The following MROH2A variants were observed in gnomAD, a reference collection of about 807,000 sequenced individuals.
The protein encoded by MROH2A is maestro heat like repeat family member 2A.
A neutral mutation model predicts 200.4 loss-of-function variants in MROH2A; 174 were observed. The observed-to-expected ratio is 0.87, with a 90% CI of 0.77 to 0.98. MROH2A has a LOEUF of 0.98. Ranked by LOEUF, MROH2A falls within the 50% of genes least tolerant of loss-of-function variation. The pLI, the probability that MROH2A is intolerant of heterozygous loss-of-function variation, is 0.00. For synonymous variants in MROH2A, 829 were observed against 840.4 expected (o/e 0.99, Z 0.23); for missense variants, 2,045 against 2,139.6 (o/e 0.96, Z 0.87).
intron 27 of MROH2A, 149 bp from the exon 28 acceptor site, chr2:233,817,852 AG>A (rs1192496079): frequency 2.2e-6 from 2 of 906,974 alleles, no homozygotes; most frequent in African/African-American, 1.7e-5. Flanking sequence ...ATGCTTGGAC[AG>A]GGGACAGACA....
chr2:233,827,607 G>C (rs1704403501), intron 35 of MROH2A, among the ~76,000 whole-genome samples: 1 of 152,144 alleles, frequency 6.6e-6, no homozygotes, highest in Non-Finnish European at 1.5e-5. Context: ...AGGAAAAACA[G>C]CTAATGCATG....
At position 233,796,271 on chromosome 2, in the gene MROH2A, G is replaced by A. The variant is rs908456415; in HGVS notation, c.1210G>A (p.Val404Met). The change falls in exon 11 of 42, where the codon GTG becomes ATG. Residue 404 changes from valine to methionine, a missense_variant. Physicochemically the swap from Val to Met is conservative, Grantham distance 21. Around this residue, in one of 3 missense-constraint regions of MROH2A, gnomAD observed 831 missense variants for 800.0 expected, o/e 1.04. Coordinates refer to ENST00000389758, the MANE Select transcript of MROH2A (RefSeq NM_001394639.1). ...QMETNKEAVR[V>M]GTLNLIRAIV... ...GGAGACAAACAAGGAGGCCGTCCGC[G>A]TGGGGACTCTGAATCTGATTAGGGC... is the stretch of plus-strand genomic sequence containing the variant. 1.6e-5 allele frequency: 23 copies of A among 1,431,320 alleles called. No individual in the cohort carries two copies. The highest frequency in any genetic ancestry group is 1.0e-4 in the African/African-American group (7 of 68,280). The allele number at this position is 1,431,320 out of a possible 1,614,324, so 88.7% of individuals were successfully genotyped here. A position where few individuals can be genotyped will look rare whatever the true frequency, so the allele number is the denominator to read the frequency against.
chr2:233,822,775 G>A, intron 33 of MROH2A, 106 bp from the exon 34 acceptor site: 1 of 1,403,678 alleles, frequency 7.1e-7, no homozygotes, highest in Non-Finnish European at 9.7e-7. Flanking sequence ...AGTCCCTTGG[G>A]CTGGGCCCGG....
intron 34 of MROH2A, among the ~76,000 whole-genome samples, 184 bp downstream of exon 34, chr2:233,823,202 G>T (rs904010406): frequency 6.6e-6 from 1 of 152,204 alleles, no homozygotes; most frequent in Non-Finnish European, 1.5e-5. Flanking sequence ...CCTTTTATTC[G>T]AACCCTTCCT....
In MROH2A at chr2:233,822,720, G is replaced by T. The variant is rs954339037; in HGVS notation, c.3867-161G>T. The T allele has an allele frequency of 4.3e-6, 5 of 1,158,614 alleles. No individual in the cohort carries two copies. The South Asian group carries it at 7.6e-5, about 18-fold the overall frequency. The allele number at this position is 1,158,614 out of a possible 1,614,324, so 71.8% of individuals were successfully genotyped here. On this transcript the variant is annotated intron_variant, in intron 33 of 41. Transcript: ENST00000389758. Reference sequence around the variant, plus strand: ...TCTCATGTGTGTCAAGCACGGTGTGGTTTTCAGAGCTTGCAGATCCACTCC... The same window carrying T: ...TCTCATGTGTGTCAAGCACGGTGTGTTTTTCAGAGCTTGCAGATCCACTCC...
chr2:233,832,297 T>G lies in MROH2A; in HGVS notation c.4837+18T>G, dbSNP rs1436433144. The G allele has an allele frequency of 6.5e-7, 1 of 1,546,892 alleles. No individual in the cohort carries two copies. The highest frequency in any genetic ancestry group is 1.2e-5 in the South Asian group (1 of 84,002). On this transcript the variant is annotated intron_variant, in intron 40 of 41. Coordinates refer to ENST00000389758, the MANE Select transcript of MROH2A (RefSeq NM_001394639.1). Reference sequence around the variant, plus strand: ...CTTGGCAGGTGAGCAGAGAGACGTCTCCTGACTCAAGATAGACTTTGAAGG... The same window carrying G: ...CTTGGCAGGTGAGCAGAGAGACGTCGCCTGACTCAAGATAGACTTTGAAGG...
At chr2:233,794,604 G>C (rs17864712) in intron 8 of MROH2A, 98 bp downstream of exon 8, 1 of 673,444 alleles carries the variant, frequency 1.5e-6, no homozygotes, top group Non-Finnish European at 2.6e-6. Context: ...GGGGATGTCA[G>C]ATATTTTGAC....
chr2:233,823,826 C>A, intron 35 of MROH2A, 162 bp downstream of exon 35: 3 of 920,452 alleles, frequency 3.3e-6, no homozygotes, highest in Non-Finnish European at 4.8e-6. Flanking sequence ...ATTCATTCAT[C>A]ACATGAGTAG....
chr2:233,807,034 C>T lies in MROH2A; in HGVS notation c.2053-389C>T, dbSNP rs916815965. Among the ~76,000 whole-genome samples, 5 of 152,086 alleles carry T rather than the reference C, an allele frequency of 3.3e-5. No homozygotes were observed. Among genetic ancestry groups the T allele is most frequent in the African/African-American group, 7.2e-5 (3 of 41,410 alleles). ...CTTAGCTCCCACTTATGAGTGAGAA[C>T]ATACGACGTTTGGTTTTCCATTCCT... On this transcript the variant is annotated intron_variant, in intron 19 of 41. Transcript: ENST00000389758. This position sits in a 1 kb window ranked among gnomAD's most constrained non-coding sequence, Gnocchi z 4.3.
intron 31 of MROH2A, among the ~76,000 whole-genome samples, chr2:233,821,374 A>G (rs539445853): frequency 2.3e-5 from 3 of 130,000 alleles, no homozygotes; most frequent in Admixed American, 7.6e-5. Context: ...CTCTCCATTT[A>G]CTCCTGCCCC....
chr2:233,796,262 G>T lies in MROH2A; in HGVS notation c.1201G>T (p.Ala401Ser). Residue 401 changes from alanine (A) to serine (S), a missense_variant, in exon 11 of 42, where the codon GCC becomes TCC. By Grantham distance (99) the Ala-to-Ser change is moderately conservative (BLOSUM62 1). This residue lies in a region of MROH2A where 831 missense variants were observed against 800.0 expected (regional missense o/e 1.04). Transcript: ENST00000389758. ...FFSQMETNKE[A>S]VRVGTLNLIR... The stretch of plus-strand genomic sequence containing the variant: ...CAGCCAGATGGAGACAAACAAGGAG[G>T]CCGTCCGCGTGGGGACTCTGAATCT... 1 of 1,548,344 alleles carries T rather than the reference G, an allele frequency of 6.5e-7. No homozygotes were observed. The highest frequency in any genetic ancestry group is 8.7e-7 in the Non-Finnish European group (1 of 1,146,514).
chr2:233,782,733 A>G (rs1160793760), intron 3 of MROH2A, among the ~76,000 whole-genome samples: 1 of 152,186 alleles, frequency 6.6e-6, no homozygotes, highest in Non-Finnish European at 1.5e-5. Flanking sequence ...TGCTCTGGCC[A>G]GGACTTCCAG....
chr2:233,783,304 T>C (rs1701034143), intron 3 of MROH2A, among the ~76,000 whole-genome samples: 1 of 152,174 alleles, frequency 6.6e-6, no homozygotes, highest in Non-Finnish European at 1.5e-5. Context: ...GGTATTTGCT[T>C]TTATTTAATG....
intron 12 of MROH2A, 91 bp downstream of exon 12, chr2:233,798,941 T>A: frequency 9.4e-7 from 1 of 1,065,128 alleles, no homozygotes; most frequent in Non-Finnish European, 1.4e-6. Context: ...GCAGAGGCTT[T>A]TGATGGAAAA....
At position 233,784,944 on chromosome 2, in the gene MROH2A, G is replaced by A. The variant is rs372409158; in HGVS notation, c.277-4553G>A. 2.0e-5 allele frequency among the ~76,000 whole-genome samples: 3 copies of A among 152,058 alleles called. 1 individual carries two copies. In the East Asian group the frequency reaches 5.8e-4, roughly 29 times the overall value. On this transcript the variant is annotated intron_variant, in intron 3 of 41. Transcript: ENST00000389758. Reference sequence around the variant, plus strand: ...GGGCGGATCACGAGGTCAGGAGTTCGAGAGCAGCCTGACCAATGTGGTAAA... The same window carrying A: ...GGGCGGATCACGAGGTCAGGAGTTCAAGAGCAGCCTGACCAATGTGGTAAA...
In MROH2A at chr2:233,787,127, T is replaced by C. The variant is rs188540216; in HGVS notation, c.277-2370T>C. Among the ~76,000 whole-genome samples, 31 of 152,296 alleles carry C rather than the reference T, an allele frequency of 2.0e-4. 2 individuals carry two copies. The highest frequency in any genetic ancestry group is 1.8e-3 in the Admixed American group (27 of 15,298). ...TGGAAGGCCACTCAGTGATCGCTTT[T>C]GTTATTTCCAAGTCTTTGACAGTTT... On this transcript the variant is annotated intron_variant, in intron 3 of 41. Coordinates refer to ENST00000389758, the MANE Select transcript of MROH2A (RefSeq NM_001394639.1).
In MROH2A at chr2:233,820,699, CA is replaced by C. The variant is rs771678682; in HGVS notation, c.3512+644del. ...CTGGGAGGAGCCAGAAAGAGCTAGA[CA>C]GTCATCCCCAGAGCAGTGGAGCCTG... is the stretch of plus-strand genomic sequence containing the variant. On this transcript the variant is annotated intron_variant, in intron 31 of 41. Transcript: ENST00000389758. The surrounding 1 kb of genome is among the most constrained non-coding windows in gnomAD (Gnocchi z 4.1). Among the ~76,000 whole-genome samples the C allele has an allele frequency of 5.3e-5, 8 of 152,170 alleles. No individual in the cohort carries two copies. The highest frequency in any genetic ancestry group is 1.0e-4 in the Non-Finnish European group (7 of 68,026).
In MROH2A at chr2:233,797,341, A is replaced by G. The variant is rs144563408; in HGVS notation, c.1252+1028A>G. 5.2e-5 allele frequency among the ~76,000 whole-genome samples: 8 copies of G among 152,382 alleles called. No homozygotes were observed. The East Asian group carries it at 1.3e-3, about 26-fold the overall frequency. On this transcript the variant is annotated intron_variant, in intron 11 of 41. Transcript: ENST00000389758. ...CAAAGGACATAATTTCCCAAAAGTA[A>G]TTGGACAAAGGTGCTCATTAAAACA...
intron 3 of MROH2A, among the ~76,000 whole-genome samples, chr2:233,784,942 T>C (rs887110794): frequency 5.9e-5 from 9 of 151,992 alleles, no homozygotes; most frequent in African/African-American, 2.2e-4. Context: ...GGTCAGGAGT[T>C]CGAGAGCAGC....
Sources: allele counts gnomAD v4.1 joint callset (sites outside exome capture counted in the v4.1 genomes callset), GRCh38; gene constraint gnomAD v4.1.1; regional missense constraint gnomAD v4.1.1; non-coding constraint Gnocchi (gnomAD v3.1); transcripts MANE v1.5; gene names NCBI Gene and HGNC (gene_info 2026-07-23, HGNC 2026-07-21).